The following DNER variants were observed in gnomAD, a reference collection of about 807,000 sequenced individuals.
DNER encodes delta/notch like EGF repeat containing.
DNER carries 33 observed loss-of-function variants against 78.2 expected under a neutral mutation model. The observed-to-expected ratio is 0.42, with a 90% CI of 0.32 to 0.56. The LOEUF is 0.56. Ranked by LOEUF, DNER falls within the 20% of genes least tolerant of loss-of-function variation. The probability of loss-of-function intolerance (pLI) is 0.11; values close to 1 mark genes in which losing one functional copy is unlikely to be tolerated. For synonymous variants in DNER, 417 were observed against 384.8 expected, an observed-to-expected ratio of 1.08 and a Z score of -0.98; for missense variants, 918 against 975.3, an observed-to-expected ratio of 0.94 and a Z score of 0.78.
At chr2:229,542,945 G>A (rs1285514157) in intron 5 of DNER, among the ~76,000 whole-genome samples, 1 of 152,072 alleles carries the variant, frequency 6.6e-6, no homozygotes, top group Non-Finnish European at 1.5e-5. Flanking sequence ...GTCACTGAGG[G>A]GTAATAATAA....
chr2:229,436,856 T>C (rs977702950), intron 8 of DNER, among the ~76,000 whole-genome samples: 1 of 152,074 alleles, frequency 6.6e-6, no homozygotes, highest in African/African-American at 2.4e-5. Context: ...CTTAAGTACA[T>C]AAAGCAGTGA....
chr2:229,681,675 AG>A (rs1699388917), intron 1 of DNER, among the ~76,000 whole-genome samples: 1 of 152,184 alleles, frequency 6.6e-6, no homozygotes. Context: ...ACACCGCTCA[AG>A]GGGGCACTCG....
At chr2:229,408,351 T>G (rs1286239889) in intron 9 of DNER, among the ~76,000 whole-genome samples, 1 of 152,182 alleles carries the variant, frequency 6.6e-6, no homozygotes, top group Non-Finnish European at 1.5e-5. Context: ...GTGGGATATC[T>G]GCTGATGTTA....
chr2:229,407,135 G>C (rs1693405256), intron 10 of DNER, 97 bp downstream of exon 10: 3 of 1,019,812 alleles, frequency 2.9e-6, no homozygotes, highest in Non-Finnish European at 4.5e-6. Context: ...TTTATATTTT[G>C]CAATATTTTA....
chr2:229,533,433 G>A lies in DNER; in HGVS notation c.993+13514C>T, dbSNP rs528324709. On this transcript the variant is annotated intron_variant, in intron 5 of 12. Transcript: ENST00000341772. ...GCAAAGCCGCGGCTTTGAAGCGGTA[G>A]ACTGGGGATCATCACCATCATCAGA... Among the ~76,000 whole-genome samples the A allele has an allele frequency of 2.0e-5, 3 of 152,330 alleles. No homozygotes were observed. In the East Asian group the frequency reaches 5.8e-4, roughly 29 times the overall value.
At position 229,524,973 on chromosome 2, in the gene DNER, C is replaced by T. The variant is rs141486547; in HGVS notation, c.994-12037G>A. On this transcript the variant is annotated intron_variant, in intron 5 of 12. Transcript: ENST00000341772. ...TGGATGTGACGAACTCCCTTCGGGACGTCCCCTTTAATGACAAGGCTGCCG... is the reference window on the plus strand; with the variant it reads ...TGGATGTGACGAACTCCCTTCGGGATGTCCCCTTTAATGACAAGGCTGCCG... 3.9e-4 allele frequency among the ~76,000 whole-genome samples: 59 copies of T among 152,274 alleles called. 1 individual carries two copies. Among genetic ancestry groups the T allele is most frequent in the African/African-American group, 9.9e-4 (41 of 41,544 alleles).
intron 1 of DNER, among the ~76,000 whole-genome samples, chr2:229,676,180 T>C (rs1699297930): frequency 6.6e-6 from 1 of 152,190 alleles, no homozygotes; most frequent in Admixed American, 6.5e-5. Flanking sequence ...ACAAGGCATA[T>C]GCCTTACAAG....
At chr2:229,593,986 C>G (rs1271920085) in intron 1 of DNER, among the ~76,000 whole-genome samples, 1 of 152,194 alleles carries the variant, frequency 6.6e-6, no homozygotes, top group Non-Finnish European at 1.5e-5. Context: ...AGGCAAGGAC[C>G]ACCCATCTGG....
chr2:229,606,490 T>TA (rs35631670), intron 1 of DNER, among the ~76,000 whole-genome samples: 89,664 of 150,776 alleles, frequency 0.59, 26,865 homozygotes, highest in African/African-American at 0.68. Context: ...GTCTTTGGAT[T>TA]AAAAAAAAAT....
chr2:229,458,186 T>C (rs1299870906), intron 7 of DNER, among the ~76,000 whole-genome samples: 4 of 74,850 alleles, frequency 5.3e-5, no homozygotes, highest in Non-Finnish European at 1.1e-4. Flanking sequence ...TAGGGAAAGA[T>C]ACATTGTGAA....
rs1176305021 is a variant in DNER, at chr2:229,714,492, G to C, written c.-69C>G. The C allele has an allele frequency of 9.3e-7, 1 of 1,077,672 alleles. No individual in the cohort carries two copies. The highest frequency in any genetic ancestry group is 1.7e-5 in the African/African-American group (1 of 59,268). The allele number at this position is 1,077,672 out of a possible 1,614,324, so 66.8% of individuals were successfully genotyped here. ...CGGCGGCGGCGGTGGCAGTGGCGAC[G>C]AGAGCTGCGAGAGCGACGGTGGCGG... is the stretch of plus-strand genomic sequence containing the variant. On this transcript the variant is annotated 5_prime_UTR_variant, in exon 1 of 13. Transcript: ENST00000341772.
At chr2:229,471,055 T>C (rs371882902) in intron 7 of DNER, among the ~76,000 whole-genome samples, 51 of 151,060 alleles carry the variant, frequency 3.4e-4, no homozygotes, top group African/African-American at 1.2e-3. Context: ...TATGAGGGTA[T>C]GTGGCATGTT....
intron 5 of DNER, among the ~76,000 whole-genome samples, chr2:229,520,861 C>T (rs774833157): frequency 9.9e-5 from 15 of 152,206 alleles, no homozygotes; most frequent in Non-Finnish European, 1.9e-4. Flanking sequence ...CCTTAAGGAA[C>T]TAACATGTTT....
intron 1 of DNER, among the ~76,000 whole-genome samples, chr2:229,616,985 G>A (rs1291497058): frequency 2.0e-5 from 3 of 152,196 alleles, no homozygotes; most frequent in African/African-American, 7.2e-5. Flanking sequence ...AATTTTGGCA[G>A]ACACCAGAGC....
At chr2:229,362,660 C>T (rs1692242189) in intron 12 of DNER, among the ~76,000 whole-genome samples, 2 of 152,148 alleles carry the variant, frequency 1.3e-5, no homozygotes, top group South Asian at 2.1e-4. Context: ...AGATGCTTGC[C>T]AATGAGTTAT....
intron 4 of DNER, among the ~76,000 whole-genome samples, chr2:229,578,497 G>A (rs1697340924): frequency 6.6e-6 from 1 of 152,160 alleles, no homozygotes; most frequent in East Asian, 1.9e-4. Flanking sequence ...AGCTAAAATA[G>A]ACACACACAG....
At chr2:229,522,580 G>A (rs1696123272) in intron 5 of DNER, among the ~76,000 whole-genome samples, 1 of 152,072 alleles carries the variant, frequency 6.6e-6, no homozygotes, top group Non-Finnish European at 1.5e-5. Flanking sequence ...ATTCCATTTA[G>A]CCCTCTAGTT....
intron 11 of DNER, among the ~76,000 whole-genome samples, chr2:229,382,019 C>T (rs189629609): frequency 5.9e-4 from 90 of 152,268 alleles, no homozygotes; most frequent in Admixed American, 3.2e-3. Flanking sequence ...AGGAGAACTC[C>T]GGCTGGCATC....
At chr2:229,440,666 A>G (rs1472652735) in intron 8 of DNER, among the ~76,000 whole-genome samples, 1 of 152,194 alleles carries the variant, frequency 6.6e-6, no homozygotes, top group African/African-American at 2.4e-5. Flanking sequence ...TCCAGCCCCA[A>G]GTAAGAACCA....
Sources: gnomAD v4.1 joint callset for allele counts (sites outside exome capture counted in the v4.1 genomes callset) on GRCh38, gnomAD v4.1.1 for gene constraint, MANE v1.5 for transcripts, NCBI Gene and HGNC (gene_info 2026-07-23, HGNC 2026-07-21) for gene names.